The following STAT4 variants were observed in gnomAD, a reference collection of about 807,000 sequenced individuals.
STAT4 encodes signal transducer and activator of transcription 4.
STAT4 carries 42 observed loss-of-function variants against 110.5 expected under a neutral mutation model. That is an observed-to-expected ratio of 0.38 (90% CI 0.30 to 0.49). STAT4 has a LOEUF of 0.49. Ranked by LOEUF, STAT4 falls within the 20% of genes least tolerant of loss-of-function variation. The pLI, the probability that STAT4 is intolerant of heterozygous loss-of-function variation, is 0.95. For synonymous variants in STAT4, 284 were observed against 302.2 expected (o/e 0.94, Z 0.63); for missense variants, 632 against 887.9 (o/e 0.71, Z 3.66).
intron 15 of STAT4, among the ~76,000 whole-genome samples, 195 bp downstream of exon 15, chr2:191,040,870 A>G (rs1188174171): frequency 6.6e-6 from 1 of 152,204 alleles, no homozygotes; most frequent in Non-Finnish European, 1.5e-5. Flanking sequence ...AGCTACCCAC[A>G]AGCTTTTATC....
intron 3 of STAT4, among the ~76,000 whole-genome samples, chr2:191,137,202 G>T (rs546592370): frequency 6.6e-6 from 1 of 152,154 alleles, no homozygotes; most frequent in East Asian, 1.9e-4. Context: ...CATTAGCCAG[G>T]CATGGTGGCA....
chr2:191,089,113 A>T (rs1697717419), intron 3 of STAT4, among the ~76,000 whole-genome samples: 1 of 152,214 alleles, frequency 6.6e-6, no homozygotes, highest in South Asian at 2.1e-4. Context: ...TCTGTGAAAG[A>T]CACTGTTAAG....
At chr2:191,063,629 C>A (rs185299003) in intron 8 of STAT4, among the ~76,000 whole-genome samples, 2,133 of 152,284 alleles carry the variant, frequency 0.014, 53 homozygotes, top group African/African-American at 0.049. Flanking sequence ...GTCCACCTCG[C>A]CATACAGTAA....
At chr2:191,095,167 G>A (rs185607516) in intron 3 of STAT4, among the ~76,000 whole-genome samples, 317 of 152,126 alleles carry the variant, frequency 2.1e-3, no homozygotes, top group Middle Eastern at 6.8e-3. Flanking sequence ...TTTTAAAGTT[G>A]GAGACTTTAA....
intron 3 of STAT4, among the ~76,000 whole-genome samples, chr2:191,141,943 G>A (rs1353685223): frequency 1.3e-5 from 2 of 152,050 alleles, no homozygotes; most frequent in African/African-American, 4.8e-5. Context: ...TGACATGCTG[G>A]TGACAATGTA....
At chr2:191,081,400 C>G (rs1359912333) in intron 3 of STAT4, among the ~76,000 whole-genome samples, 1 of 152,140 alleles carries the variant, frequency 6.6e-6, no homozygotes, top group Non-Finnish European at 1.5e-5. Context: ...GGTTCTAGAT[C>G]CTTGAGGAAT....
intron 3 of STAT4, among the ~76,000 whole-genome samples, chr2:191,081,085 T>C (rs1441681643): frequency 2.0e-5 from 3 of 152,308 alleles, no homozygotes; most frequent in African/African-American, 7.2e-5. Flanking sequence ...AGTGAGAACA[T>C]GCTGTGTTTG....
At chr2:191,067,339 G>C (rs1051705683) in intron 6 of STAT4, among the ~76,000 whole-genome samples, 1 of 152,030 alleles carries the variant, frequency 6.6e-6, no homozygotes, top group Non-Finnish European at 1.5e-5. Context: ...GTGCTCGGAA[G>C]CTCCCTGATC....
Position 191,053,478 on chromosome 2 carries a change from G to A in STAT4, c.1251+1012C>T, listed in dbSNP as rs1574711589. ...GACTTATGCCTTAGTTTCGAGGTCA[G>A]CTCAATAGATGTTCTCCAAGGTCAT... On this transcript the variant is annotated intron_variant, in intron 14 of 23. Coordinates refer to ENST00000392320, the MANE Select transcript of STAT4 (RefSeq NM_003151.4). The surrounding 1 kb of genome is among the most constrained non-coding windows in gnomAD (Gnocchi z 4.5). Among the ~76,000 whole-genome samples, 1 of 152,318 alleles carries A rather than the reference G, an allele frequency of 6.6e-6. No individual in the cohort carries two copies. Among genetic ancestry groups the A allele is most frequent in the East Asian group, 1.9e-4 (1 of 5,186 alleles).
intron 3 of STAT4, among the ~76,000 whole-genome samples, chr2:191,130,422 C>G (rs1178871166): frequency 6.7e-6 from 1 of 149,064 alleles, no homozygotes; most frequent in Non-Finnish European, 1.5e-5. Context: ...CAGGGTTTCA[C>G]CATGTAAGCC....
At chr2:191,127,673 C>G (rs1423178929) in intron 3 of STAT4, among the ~76,000 whole-genome samples, 1 of 152,166 alleles carries the variant, frequency 6.6e-6, no homozygotes, top group Non-Finnish European at 1.5e-5. Flanking sequence ...AGCCATTGTA[C>G]CCCAAAGTAA....
chr2:191,121,140 A>T (rs1698715481), intron 3 of STAT4, among the ~76,000 whole-genome samples: 2 of 152,254 alleles, frequency 1.3e-5, no homozygotes, highest in African/African-American at 4.8e-5. Context: ...TCAAAAGAAG[A>T]CATTTATGCA....
At chr2:191,094,463 A>C (rs991554666) in intron 3 of STAT4, among the ~76,000 whole-genome samples, 5 of 152,198 alleles carry the variant, frequency 3.3e-5, no homozygotes, top group Admixed American at 1.3e-4. Context: ...GAATTTTCAA[A>C]CCAGAATTTC....
chr2:191,081,586 T>C (rs796657673), intron 3 of STAT4, among the ~76,000 whole-genome samples: 1 of 152,262 alleles, frequency 6.6e-6, no homozygotes, highest in Non-Finnish European at 1.5e-5. Flanking sequence ...ATCTCTCTGA[T>C]GACCAGTGAC....
chr2:191,057,602 C>CTTTT (rs112604744), intron 13 of STAT4, among the ~76,000 whole-genome samples: 2 of 98,590 alleles, frequency 2.0e-5, no homozygotes, highest in African/African-American at 7.6e-5. Context: ...TTTTCTTTTT[C>CTTTT]TTTTTTTTTT....
chr2:191,127,952 G>A (rs1453300312), intron 3 of STAT4, among the ~76,000 whole-genome samples: 1 of 152,172 alleles, frequency 6.6e-6, no homozygotes, highest in Non-Finnish European at 1.5e-5. Flanking sequence ...TCAGGTGGTT[G>A]GAGTCTTCCG....
At chr2:191,063,377 AATAT>A (rs1383430169) in intron 8 of STAT4, among the ~76,000 whole-genome samples, 1 of 152,194 alleles carries the variant, frequency 6.6e-6, no homozygotes, top group Non-Finnish European at 1.5e-5. Context: ...CTTCCCACAC[AATAT>A]ATATTTTTAC....
Position 191,062,803 on chromosome 2 carries a change from C to T in STAT4, c.900G>A (p.Met300Ile). ...GDPIPMQRTHMLERVTFLIYN... is the reference protein window; with the variant it reads ...GDPIPMQRTHILERVTFLIYN... ...AGATCAAGAAGGTGACTCTTTCTAG[C>T]ATGTGAGTTCTTTGCATTGGAATGG... Residue 300 changes from methionine to isoleucine, a missense_variant, in exon 9 of 24, where the codon ATG (methionine) becomes ATA (isoleucine). Transcript: ENST00000392320. The surrounding 1 kb of genome is among the most constrained non-coding windows in gnomAD (Gnocchi z 4.9). 6.2e-7 allele frequency: 1 copy of T among 1,613,856 alleles called. No individual in the cohort carries two copies.
At chr2:191,136,998 G>T (rs551238003) in intron 3 of STAT4, among the ~76,000 whole-genome samples, 1 of 149,458 alleles carries the variant, frequency 6.7e-6, no homozygotes, top group Non-Finnish European at 1.5e-5. Context: ...TAAATTTAAC[G>T]AAGAAAGTGA....
Sources: gnomAD v4.1 joint callset for allele counts (sites outside exome capture counted in the v4.1 genomes callset) on GRCh38, gnomAD v4.1.1 for gene constraint, Gnocchi (gnomAD v3.1) non-coding constraint, MANE v1.5 for transcripts, NCBI Gene and HGNC (gene_info 2026-07-23, HGNC 2026-07-21) for gene names.